MROH9: variants seen among roughly 807,000 people sequenced by gnomAD.
The protein encoded by MROH9 is maestro heat-like repeat-containing protein family member 9.
A neutral mutation model predicts 98.2 loss-of-function variants in MROH9; 92 were observed. The observed-to-expected ratio is 0.94, with a 90% CI of 0.79 to 1.11. MROH9 has a LOEUF of 1.11. Among genes scored for constraint, MROH9 ranks in the 50% most tolerant of loss-of-function variants. The pLI, the probability that MROH9 is intolerant of heterozygous loss-of-function variation, is 0.00. For missense variants in MROH9, 1,057 were observed against 1,014.8 expected (o/e 1.04, Z -0.57); for synonymous variants, 397 against 368.9 (o/e 1.08, Z -0.87).
chr1:171,022,006 A>C (rs532405788), intron 17 of MROH9, among the ~76,000 whole-genome samples: 65 of 152,292 alleles, frequency 4.3e-4, no homozygotes, highest in African/African-American at 1.5e-3. Flanking sequence ...AAAAAGTTCA[A>C]CATCACTGAT....
rs770731543 is a variant in MROH9 at position 171,064,203 on chromosome 1, C to T, written c.2449C>T (p.Leu817Phe). The T allele has an allele frequency of 2.6e-5, 41 of 1,551,408 alleles. No individual in the cohort carries two copies. Among genetic ancestry groups the T allele is most frequent in the Non-Finnish European group, 3.6e-5 (41 of 1,146,918 alleles). ...KKAHKLTSAP[L>F]KQNFQKLLKL... ...AGCCCATAAACTGACCTCTGCACCT[C>T]TTAAACAAAACTTCCAAAAATTGCT... Residue 817 changes from leucine to phenylalanine, a missense_variant, in exon 22 of 22, where the codon CTT becomes TTT. Leu to Phe is a conservative substitution (Grantham distance 22, BLOSUM62 0). Transcript: ENST00000367759.
Position 170,996,788 on chromosome 1 carries a change from ACTT to A in MROH9, c.1475+149_1475+151del. ...TGATCTGAGTTGCTATTTGATTTCT[ACTT>A]CTTCAATTATTTTGAAGCGTTTTTA... On this transcript the variant is annotated intron_variant, in intron 14 of 21. Coordinates refer to ENST00000367759, the MANE Select transcript of MROH9 (RefSeq NM_001163629.2). 4.8e-6 allele frequency: 4 copies of A among 827,344 alleles called. No homozygotes were observed. The East Asian group carries it at 8.1e-5, about 17-fold the overall frequency. The allele number at this position is 827,344 out of a possible 1,614,324, so 51.3% of individuals were successfully genotyped here. A position where few individuals can be genotyped will look rare whatever the true frequency, so the allele number is the denominator to read the frequency against.
At chr1:170,940,086 G>T (rs984129328) in intron 1 of MROH9, among the ~76,000 whole-genome samples, 1 of 152,194 alleles carries the variant, frequency 6.6e-6, no homozygotes, top group African/African-American at 2.4e-5. Context: ...ATGTGCTGGA[G>T]TAACACACCC....
intron 15 of MROH9, among the ~76,000 whole-genome samples, chr1:171,001,615 T>A (rs1651784235): frequency 6.6e-6 from 1 of 152,152 alleles, no homozygotes; most frequent in African/African-American, 2.4e-5. Flanking sequence ...GAGTGCTTGA[T>A]ATAATTTCAG....
chr1:170,981,304 T>G (rs575172887), intron 8 of MROH9, among the ~76,000 whole-genome samples: 6 of 152,148 alleles, frequency 3.9e-5, no homozygotes, highest in African/African-American at 1.2e-4. Context: ...TAAAGACATA[T>G]GCATACATAT....
intron 7 of MROH9, among the ~76,000 whole-genome samples, chr1:170,969,545 A>G (rs568287713): frequency 4.6e-5 from 7 of 152,208 alleles, no homozygotes; most frequent in Non-Finnish European, 7.3e-5. Flanking sequence ...GAGATAGACA[A>G]TGTCTCAAAC....
chr1:170,995,230 G>A (rs1290435857), intron 12 of MROH9, among the ~76,000 whole-genome samples, 159 bp from the exon 13 acceptor site: 1 of 152,082 alleles, frequency 6.6e-6, no homozygotes, highest in Admixed American at 6.6e-5. Flanking sequence ...CTGATGTAAC[G>A]GCTGTTATTA....
chr1:171,022,119 A>G (rs529904595), intron 17 of MROH9, among the ~76,000 whole-genome samples: 1 of 152,338 alleles, frequency 6.6e-6, no homozygotes, highest in Admixed American at 6.5e-5. Context: ...AAGGCTGTGG[A>G]GAAATAGGAA....
intron 8 of MROH9, among the ~76,000 whole-genome samples, chr1:170,972,458 T>G (rs1299208556): frequency 5.3e-5 from 8 of 152,174 alleles, no homozygotes; most frequent in Non-Finnish European, 1.0e-4. Flanking sequence ...GTCCAGGATG[T>G]AATAACAGAG....
intron 20 of MROH9, among the ~76,000 whole-genome samples, chr1:171,036,665 T>A (rs1489396553): frequency 6.6e-6 from 1 of 151,726 alleles, no homozygotes; most frequent in East Asian, 1.9e-4. Flanking sequence ...GTAGAATGGA[T>A]AAATAATTTA....
chr1:170,996,679 C>G (rs143965289), intron 14 of MROH9, 35 bp downstream of exon 14: 652 of 1,606,390 alleles, frequency 4.1e-4, no homozygotes, highest in African/African-American at 2.9e-3. Flanking sequence ...GATTCTTGGT[C>G]TCTATCCTAC....
rs891309294 is a variant in MROH9, at chr1:171,024,752, T to A, written c.2165T>A (p.Ile722Asn). 17 of 1,542,476 alleles carry A rather than the reference T, an allele frequency of 1.1e-5. No individual in the cohort carries two copies. The Admixed American group carries it at 3.3e-4, about 30-fold the overall frequency. The change falls in exon 19 of 22, where the codon ATC (isoleucine) becomes AAC (asparagine). Residue 722 changes from isoleucine to asparagine, a missense_variant. Ile to Asn is a moderately radical substitution (Grantham distance 149). Transcript: ENST00000367759. ...NYSFEMVVLN[I>N]CNNLIISHRN... is the part of the protein sequence containing the mutation. Reference sequence around the variant, plus strand: ...AGTTTTGAGATGGTGGTGCTCAATATCTGTAACAATCTTGTAAGTGGCCCT... The same window carrying A: ...AGTTTTGAGATGGTGGTGCTCAATAACTGTAACAATCTTGTAAGTGGCCCT...
At chr1:171,042,491 T>G (rs771015872) in intron 20 of MROH9, among the ~76,000 whole-genome samples, 48 of 152,278 alleles carry the variant, frequency 3.2e-4, no homozygotes, top group Admixed American at 1.4e-3. Flanking sequence ...TCCTTTCTTT[T>G]GGGTATATAC....
chr1:171,055,934 A>C (rs1055353530), intron 20 of MROH9, among the ~76,000 whole-genome samples: 4 of 152,138 alleles, frequency 2.6e-5, no homozygotes, highest in Non-Finnish European at 4.4e-5. Context: ...CCCCCAGGCC[A>C]AGGGAGGTGA....
At chr1:170,999,922 C>T (rs1222845116) in intron 15 of MROH9, among the ~76,000 whole-genome samples, 2 of 151,974 alleles carry the variant, frequency 1.3e-5, no homozygotes, top group Non-Finnish European at 2.9e-5. Context: ...TTTGCATTTT[C>T]CTGATTATTA....
At chr1:171,035,519 T>C (rs1349122712) in intron 20 of MROH9, among the ~76,000 whole-genome samples, 1 of 152,012 alleles carries the variant, frequency 6.6e-6, no homozygotes, top group Non-Finnish European at 1.5e-5. Context: ...TGGAAGAAGA[T>C]ATTTACAACA....
At chr1:171,014,072 G>C in intron 15 of MROH9, 45 bp from the exon 16 acceptor site, 1 of 1,489,988 alleles carries the variant, frequency 6.7e-7, no homozygotes, top group Non-Finnish European at 9.1e-7. Flanking sequence ...AAATCGTGCA[G>C]TGGCCTCTAC....
chr1:170,947,546 G>T lies in MROH9; in HGVS notation c.45G>T (p.Leu15=), dbSNP rs898662061. ...GGCTAGAGAGTAGTCTCCAGATTCT[G>T]CAAGACAGTGTGAAATGGCACCACA... ...NPKTKSSLQI[L]QDSVKWHHMA... Residue 15 remains leucine (L), a synonymous_variant, in exon 3 of 22, where the codon CTG becomes CTT. Coordinates refer to ENST00000367759, the MANE Select transcript of MROH9 (RefSeq NM_001163629.2). The T allele has an allele frequency of 1.9e-6, 3 of 1,610,986 alleles. No individual in the cohort carries two copies. The highest frequency in any genetic ancestry group is 4.5e-5 in the East Asian group (2 of 44,798).
intron 20 of MROH9, among the ~76,000 whole-genome samples, chr1:171,035,442 A>C (rs1402066874): frequency 3.9e-5 from 6 of 151,996 alleles, no homozygotes; most frequent in Non-Finnish European, 8.8e-5. Flanking sequence ...AAATATAAAA[A>C]AATAAAAACT....
Sources: allele counts gnomAD v4.1 joint callset (sites outside exome capture counted in the v4.1 genomes callset), GRCh38; gene constraint gnomAD v4.1.1; transcripts MANE v1.5; gene names NCBI Gene and HGNC (gene_info 2026-07-23, HGNC 2026-07-21).